Variants in MAST4 observed in about 807,000 individuals in gnomAD.
The protein encoded by MAST4 is microtubule-associated serine/threonine-protein kinase 4.
In MAST4, 89 loss-of-function variants were observed where a neutral mutation model predicts 162.7. The observed-to-expected ratio is 0.55, with a 90% CI of 0.46 to 0.65. MAST4 has a LOEUF of 0.65. Ranked by LOEUF, MAST4 falls within the 30% of genes least tolerant of loss-of-function variation. The pLI is 0.00. For synonymous variants in MAST4, 1,479 were observed against 1,361.1 expected (o/e 1.09, Z -1.91); for missense variants, 3,153 against 3,374.0 (o/e 0.93, Z 1.62).
chr5:66,681,852 A>G (rs1428658867), intron 1 of MAST4, among the ~76,000 whole-genome samples: 1 of 152,146 alleles, frequency 6.6e-6, no homozygotes, highest in East Asian at 1.9e-4. Flanking sequence ...GTTTTTCTGC[A>G]CATCTTTCCT....
At chr5:66,983,438 G>A (rs1749104121) in intron 4 of MAST4, among the ~76,000 whole-genome samples, 1 of 152,080 alleles carries the variant, frequency 6.6e-6, no homozygotes, top group Admixed American at 6.6e-5. Flanking sequence ...GTGAAGAGAA[G>A]GTTATTTTAG....
chr5:66,725,754 C>T (rs1751477437), intron 1 of MAST4, among the ~76,000 whole-genome samples: 1 of 152,132 alleles, frequency 6.6e-6, no homozygotes, highest in African/African-American at 2.4e-5. Flanking sequence ...ATGTGAGTTT[C>T]CATTTTCACT....
chr5:66,836,657 C>T (rs1308992021), intron 3 of MAST4, among the ~76,000 whole-genome samples: 2 of 151,970 alleles, frequency 1.3e-5, no homozygotes, highest in East Asian at 1.9e-4. Context: ...CATGGATGGA[C>T]CTGGAGGCTG....
intron 4 of MAST4, among the ~76,000 whole-genome samples, chr5:66,952,495 C>A (rs1224505602): frequency 6.6e-6 from 1 of 151,942 alleles, no homozygotes; most frequent in Non-Finnish European, 1.5e-5. Context: ...TTTCTTACCT[C>A]CTCATCATAT....
intron 7 of MAST4, among the ~76,000 whole-genome samples, chr5:67,098,957 C>G (rs2150840528): frequency 6.6e-6 from 1 of 152,220 alleles, no homozygotes; most frequent in South Asian, 2.1e-4. Flanking sequence ...AACAGCTTCC[C>G]ATCAGTTCAG....
At chr5:66,964,058 TTCTGTAAG>T in intron 4 of MAST4, 1 of 615,572 alleles carries the variant, frequency 1.6e-6, no homozygotes, top group Non-Finnish European at 3.1e-6. Context: ...CTGCACTGAA[TTCTGTAAG>T]TTTTGATCAA....
intron 3 of MAST4, among the ~76,000 whole-genome samples, chr5:66,851,856 A>G (rs563643447): frequency 3.3e-5 from 5 of 152,014 alleles, no homozygotes; most frequent in Non-Finnish European, 7.4e-5. Context: ...AAGTGTGCCT[A>G]ATTTCATTGT....
At chr5:66,827,557 A>AT (rs1271528432) in intron 3 of MAST4, among the ~76,000 whole-genome samples, 6 of 152,256 alleles carry the variant, frequency 3.9e-5, no homozygotes, top group African/African-American at 1.4e-4. Flanking sequence ...GACAGACAGA[A>AT]AGAGATGGAA....
chr5:67,048,109 A>G (rs1024484797), intron 4 of MAST4, among the ~76,000 whole-genome samples: 2 of 152,214 alleles, frequency 1.3e-5, no homozygotes, highest in African/African-American at 4.8e-5. Flanking sequence ...GTTGCATGAT[A>G]TAATTTTTCT....
At chr5:66,832,718 G>C (rs1340927415) in intron 3 of MAST4, among the ~76,000 whole-genome samples, 1 of 152,132 alleles carries the variant, frequency 6.6e-6, no homozygotes, top group East Asian at 1.9e-4. Flanking sequence ...CATTACATGG[G>C]AGTATTACTC....
intron 1 of MAST4, among the ~76,000 whole-genome samples, chr5:66,613,371 GCTTTGGGAAGT>G (rs1383369554): frequency 6.9e-6 from 1 of 144,742 alleles, no homozygotes; most frequent in East Asian, 2.0e-4. Context: ...GTCTTCCTCT[GCTTTGGGAAGT>G]CTTTTGGTTA....
intron 1 of MAST4, among the ~76,000 whole-genome samples, chr5:66,646,089 CAATG>C (rs1206740767): frequency 6.6e-6 from 1 of 151,904 alleles, no homozygotes; most frequent in East Asian, 1.9e-4. Context: ...ATAATTGAAA[CAATG>C]AGATATTTTT....
Position 66,765,084 on chromosome 5 carries a change from T to C in MAST4, c.517+5222T>C, listed in dbSNP as rs185510769. ...TACAGTATTAGGTGCAGTTGCATGC[T>C]ATACACGTTTGTAGCCTAGGAGTAA... On this transcript the variant is annotated intron_variant, in intron 2 of 28. Coordinates refer to ENST00000403625, the MANE Select transcript of MAST4 (RefSeq NM_001164664.2). 1.4e-3 allele frequency among the ~76,000 whole-genome samples: 206 copies of C among 152,232 alleles called. 1 individual carries two copies. The highest frequency in any genetic ancestry group is 4.9e-3 in the African/African-American group (202 of 41,586).
chr5:66,620,780 A>AT (rs561161475), intron 1 of MAST4, among the ~76,000 whole-genome samples: 65 of 144,874 alleles, frequency 4.5e-4, no homozygotes, highest in East Asian at 1.6e-3. Context: ...ACAGGTCCTG[A>AT]TTTTTTTTTT....
chr5:67,063,914 A>T (rs913449298), intron 5 of MAST4, among the ~76,000 whole-genome samples: 1 of 152,182 alleles, frequency 6.6e-6, no homozygotes, highest in African/African-American at 2.4e-5. Context: ...GGAAGACTGG[A>T]CGGGACATTT....
chr5:67,008,297 C>G (rs1160850728), intron 4 of MAST4, among the ~76,000 whole-genome samples: 1 of 152,190 alleles, frequency 6.6e-6, no homozygotes, highest in African/African-American at 2.4e-5. Context: ...TGTGGCTATT[C>G]CATTCATTGA....
chr5:66,708,454 A>G (rs1158495655), intron 1 of MAST4, among the ~76,000 whole-genome samples: 1 of 152,190 alleles, frequency 6.6e-6, no homozygotes, highest in Non-Finnish European at 1.5e-5. Flanking sequence ...CTGGTAGTGG[A>G]GCCCATCATA....
rs375673019 is a variant in MAST4 at position 66,675,125 on chromosome 5, G to A, written c.363+78107G>A. Reference sequence around the variant, plus strand: ...GCCTTCTGTGCCATGCACTCCAAACGCAGTCCTACATAGGCACACCTATTT... The same window carrying A: ...GCCTTCTGTGCCATGCACTCCAAACACAGTCCTACATAGGCACACCTATTT... On this transcript the variant is annotated intron_variant, in intron 1 of 28. Coordinates refer to ENST00000403625, the MANE Select transcript of MAST4 (RefSeq NM_001164664.2). Among the ~76,000 whole-genome samples, 5 of 152,258 alleles carry A rather than the reference G, an allele frequency of 3.3e-5. No individual in the cohort carries two copies. The East Asian group carries it at 9.7e-4, about 29-fold the overall frequency.
rs1178152224 is a variant in MAST4 at position 67,164,022 on chromosome 5, G to A, written c.4843G>A (p.Ala1615Thr). 3.1e-6 allele frequency: 5 copies of A among 1,587,612 alleles called. No individual in the cohort carries two copies. The highest frequency in any genetic ancestry group is 2.3e-5 in the East Asian group (1 of 43,758). The change falls in exon 29 of 29, where the codon GCC (alanine) becomes ACC (threonine). Residue 1615 changes from alanine to threonine, a missense_variant. Physicochemically the swap from Ala to Thr is moderately conservative, Grantham distance 58. This residue lies in a region of MAST4 where 1,644 missense variants were observed against 1,495.0 expected (regional missense o/e 1.10). Transcript: ENST00000403625. This position sits in a 1 kb window ranked among gnomAD's most constrained non-coding sequence, Gnocchi z 5.3. ...TCTTCACAAGCAGGCCAGCGTGCGC[G>A]CCAGCGAGGGTGCGATGTCGGATGG... ...DALHKQASVR[A>T]SEGAMSDGRV... is the part of the protein sequence containing the mutation.
Sources: allele counts gnomAD v4.1 joint callset (sites outside exome capture counted in the v4.1 genomes callset), GRCh38; gene constraint gnomAD v4.1.1; regional missense constraint gnomAD v4.1.1; non-coding constraint Gnocchi (gnomAD v3.1); transcripts MANE v1.5; gene names NCBI Gene and HGNC (gene_info 2026-07-23, HGNC 2026-07-21).